CIMAP2: variants seen among roughly 807,000 people sequenced by gnomAD.
CIMAP2 encodes the protein ciliary microtubule-associated protein 2.
chr1:54,811,955 T>C, the CIMAP2 span: 1 of 1,614,056 alleles, frequency 6.2e-7, no homozygotes, highest in African/African-American at 1.3e-5. Flanking sequence ...TGGCCAGGCC[T>C]TGCCTGCCTT....
chr1:54,806,255 G>A, the CIMAP2 span: 6 of 1,465,718 alleles, frequency 4.1e-6, no homozygotes, highest in East Asian at 1.7e-4. Context: ...TCACGCCCAC[G>A]GTCCAAAGCA....
At chr1:54,811,046 C>A in the CIMAP2 span, among the ~76,000 whole-genome samples, 1 of 152,220 alleles carries the variant, frequency 6.6e-6, no homozygotes, top group Non-Finnish European at 1.5e-5. Context: ...TTCCACCCAA[C>A]CTCCTTCCCT....
At chr1:54,817,160 C>T in the CIMAP2 span, 18 of 1,598,724 alleles carry the variant, frequency 1.1e-5, no homozygotes, top group East Asian at 4.5e-5. Flanking sequence ...GGGGCGAGGG[C>T]GGTGGGGGGT....
At chr1:54,812,241 G>A in the CIMAP2 span, 2 of 1,607,896 alleles carry the variant, frequency 1.2e-6, no homozygotes, top group Non-Finnish European at 1.7e-6. Flanking sequence ...CAGGATGACA[G>A]GCCTCACTAG....
chr1:54,833,035 AAATG>A, the CIMAP2 span, among the ~76,000 whole-genome samples: 21 of 152,084 alleles, frequency 1.4e-4, no homozygotes, highest in Admixed American at 1.0e-3. Context: ...AAATTAATAA[AAATG>A]AATGGAGACT....
chr1:54,813,665 A>C, the CIMAP2 span: 2 of 835,700 alleles, frequency 2.4e-6, no homozygotes, highest in Non-Finnish European at 3.2e-6. Flanking sequence ...GGGGGCCTTG[A>C]GGCTGGCCCG....
At chr1:54,808,252 C>T in the CIMAP2 span, among the ~76,000 whole-genome samples, 7 of 152,232 alleles carry the variant, frequency 4.6e-5, no homozygotes, top group South Asian at 2.1e-4. Flanking sequence ...AAATATAATA[C>T]GTATATAAGC....
chr1:54,841,772 C>CT, the CIMAP2 span: 1 of 1,605,866 alleles, frequency 6.2e-7, no homozygotes, highest in Non-Finnish European at 8.5e-7. Context: ...GGATCACTTC[C>CT]TTTTTTAATT....
the CIMAP2 span, among the ~76,000 whole-genome samples, chr1:54,834,538 A>C: frequency 6.6e-6 from 1 of 152,234 alleles, no homozygotes; most frequent in East Asian, 1.9e-4. Flanking sequence ...CCCACTACTC[A>C]GATTATACAG....
At chr1:54,823,769 T>A in the CIMAP2 span, among the ~76,000 whole-genome samples, 1 of 152,246 alleles carries the variant, frequency 6.6e-6, no homozygotes, top group African/African-American at 2.4e-5. Flanking sequence ...TATGTTTTCA[T>A]GATTGTAGAT....
the CIMAP2 span, among the ~76,000 whole-genome samples, chr1:54,814,701 G>A: frequency 2.0e-5 from 3 of 152,344 alleles, no homozygotes; most frequent in East Asian, 3.9e-4. Context: ...CTGAAAAGAG[G>A]CATCAGGCTG....
At chr1:54,830,170 T>C in the CIMAP2 span, among the ~76,000 whole-genome samples, 2 of 152,218 alleles carry the variant, frequency 1.3e-5, no homozygotes, top group African/African-American at 4.8e-5. The surrounding 1 kb of genome is among the most constrained non-coding windows in gnomAD (Gnocchi z 4.1). Flanking sequence ...CAGTTCTCAA[T>C]ATTTAGTGAT....
chr1:54,840,798 T>G, the CIMAP2 span, among the ~76,000 whole-genome samples: 4 of 152,284 alleles, frequency 2.6e-5, no homozygotes, highest in Non-Finnish European at 4.4e-5. Flanking sequence ...TCAAATCTTT[T>G]GCACATTTTA....
the CIMAP2 span, chr1:54,811,765 G>GGGGGGGGGGGGGGC: frequency 7.7e-7 from 1 of 1,301,332 alleles, no homozygotes; most frequent in Non-Finnish European, 1.1e-6. Context: ...GGTTCTGACA[G>GGGGGGGGGGGGGGC]CCTCCATGCC....
At chr1:54,841,780 A>T in the CIMAP2 span, 2 of 1,603,376 alleles carry the variant, frequency 1.2e-6, no homozygotes, top group East Asian at 2.2e-5. Flanking sequence ...TCCTTTTTTA[A>T]TTTTTTCTGT....
the CIMAP2 span, among the ~76,000 whole-genome samples, chr1:54,806,788 A>C: frequency 9.1e-6 from 1 of 110,054 alleles, no homozygotes; most frequent in Non-Finnish European, 1.8e-5. Context: ...GAGAAAAATG[A>C]AGCTGGGAGG....
chr1:54,816,611 C>G, the CIMAP2 span, among the ~76,000 whole-genome samples: 1 of 152,166 alleles, frequency 6.6e-6, no homozygotes, highest in Admixed American at 6.5e-5. Flanking sequence ...GTCCTTGCCT[C>G]TTTGTAGCTT....
At chr1:54,811,765 GCCTCCATGC>G in the CIMAP2 span, 13 of 1,301,312 alleles carry the variant, frequency 1.0e-5, no homozygotes, top group Non-Finnish European at 1.3e-5. Context: ...GGTTCTGACA[GCCTCCATGC>G]CCCCACCCCC....
the CIMAP2 span, chr1:54,841,659 G>C: frequency 6.2e-7 from 1 of 1,612,290 alleles, no homozygotes; most frequent in East Asian, 2.2e-5. Context: ...CATCAATTTT[G>C]GCCTCTCACC....
Sources: allele counts gnomAD v4.1 joint callset (sites outside exome capture counted in the v4.1 genomes callset), GRCh38; gene constraint gnomAD v4.1.1; non-coding constraint Gnocchi (gnomAD v3.1); transcripts MANE v1.5; gene names NCBI Gene and HGNC (gene_info 2026-07-23, HGNC 2026-07-21).